CDK7: variants seen among roughly 807,000 people sequenced by gnomAD.
CDK7 encodes cyclin-dependent kinase 7.
A neutral mutation model predicts 49.1 loss-of-function variants in CDK7; 25 were observed. The ratio of observed to expected loss-of-function variants is 0.51; its 90% CI spans 0.37 to 0.71. CDK7 has a LOEUF of 0.71. Among genes scored for constraint, CDK7 ranks in the 30% least tolerant of loss-of-function variants. CDK7 has a pLI of 0.00. For synonymous variants in CDK7, 107 were observed against 140.0 expected, an observed-to-expected ratio of 0.76 and a Z score of 1.67; for missense variants, 316 against 411.7, an observed-to-expected ratio of 0.77 and a Z score of 2.01.
At chr5:69,247,640 G>A (rs1443415939) in intron 2 of CDK7, among the ~76,000 whole-genome samples, 2 of 151,390 alleles carry the variant, frequency 1.3e-5, no homozygotes, top group African/African-American at 4.9e-5. Context: ...TGGTTGTTTT[G>A]TGGTCTTTCC....
chr5:69,275,744 C>T (rs1304157252), intron 10 of CDK7, among the ~76,000 whole-genome samples: 4 of 152,102 alleles, frequency 2.6e-5, no homozygotes, highest in Non-Finnish European at 4.4e-5. Context: ...GAGGCGGAGG[C>T]GGGAGGATAG....
chr5:69,269,526 G>A (rs1401001937), intron 9 of CDK7, among the ~76,000 whole-genome samples: 2 of 151,844 alleles, frequency 1.3e-5, no homozygotes, highest in African/African-American at 4.8e-5. Context: ...CTGACCTCAG[G>A]GTAATCACTA....
intron 2 of CDK7, among the ~76,000 whole-genome samples, chr5:69,247,992 TATA>T (rs1749870590): frequency 6.6e-6 from 1 of 152,248 alleles, no homozygotes; most frequent in Non-Finnish European, 1.5e-5. Context: ...ATTACAGTGT[TATA>T]ATATTATGTG....
intron 9 of CDK7, among the ~76,000 whole-genome samples, chr5:69,271,935 T>TG (rs201547040): frequency 0.01 from 1,570 of 152,048 alleles, 15 homozygotes; most frequent in Middle Eastern, 0.061. Flanking sequence ...GTTTTTGTTT[T>TG]TTTTTTTCTT....
At chr5:69,258,800 G>T (rs1466927026) in intron 6 of CDK7, among the ~76,000 whole-genome samples, 1 of 152,180 alleles carries the variant, frequency 6.6e-6, no homozygotes, top group African/African-American at 2.4e-5. Context: ...TTTGACCCAG[G>T]CATGGTGGCT....
chr5:69,249,035 G>A (rs539508408), intron 2 of CDK7, among the ~76,000 whole-genome samples: 2 of 151,758 alleles, frequency 1.3e-5, no homozygotes, highest in African/African-American at 2.4e-5. Context: ...GAAGTTTCCC[G>A]TTATCCCTTT....
intron 5 of CDK7, among the ~76,000 whole-genome samples, chr5:69,257,606 G>A (rs537118002): frequency 2.0e-4 from 31 of 152,112 alleles, no homozygotes; most frequent in Non-Finnish European, 3.5e-4. Flanking sequence ...TGATTGACTT[G>A]TCTTGTATCC....
chr5:69,250,702 A>G (rs1221629030), intron 2 of CDK7: 1 of 456,500 alleles, frequency 2.2e-6, no homozygotes, highest in African/African-American at 2.0e-5. Context: ...CTAAGCTGCA[A>G]GACAGAATCT....
intron 2 of CDK7, among the ~76,000 whole-genome samples, chr5:69,237,761 G>C (rs1361487752): frequency 6.6e-6 from 1 of 152,124 alleles, no homozygotes; most frequent in Admixed American, 6.6e-5. Flanking sequence ...GACCAGCCTG[G>C]TCAACATGGC....
At chr5:69,260,103 C>T (rs1425317140) in intron 7 of CDK7, among the ~76,000 whole-genome samples, 167 bp downstream of exon 7, 2 of 152,196 alleles carry the variant, frequency 1.3e-5, no homozygotes, top group Non-Finnish European at 2.9e-5. Flanking sequence ...AATCCCAGCA[C>T]TTTGGGAGGC....
At chr5:69,255,666 G>A (rs750915131) in intron 5 of CDK7, 138 bp downstream of exon 5, 2 of 737,048 alleles carry the variant, frequency 2.7e-6, no homozygotes, top group Non-Finnish European at 4.9e-6. Context: ...TGTACTCTGA[G>A]GCAAAAGGAT....
At position 69,248,567 on chromosome 5, in the gene CDK7, T is replaced by A. The variant is rs147070016; in HGVS notation, c.127-3851T>A. On this transcript the variant is annotated intron_variant, in intron 2 of 11. Coordinates refer to ENST00000256443, the MANE Select transcript of CDK7 (RefSeq NM_001799.4). ...CCACGCCCAGCTAATTTTGTATTTTTAGTAGAGACGGGGTTTCTCCATGTT... is the reference window on the plus strand; with the variant it reads ...CCACGCCCAGCTAATTTTGTATTTTAAGTAGAGACGGGGTTTCTCCATGTT... Among the ~76,000 whole-genome samples the A allele has an allele frequency of 7.5e-4, 114 of 152,118 alleles. No homozygotes were observed. In the East Asian group the frequency reaches 0.021, roughly 27 times the overall value.
At position 69,262,401 on chromosome 5, in the gene CDK7, G is replaced by C. The variant is rs2150216830; in HGVS notation, c.627+97G>C. ...TTCTTGTCCTAGGCCAGGCATGGTGGCTCACGCCTGTAATCCCAGCACTTT... is the reference window on the plus strand; with the variant it reads ...TTCTTGTCCTAGGCCAGGCATGGTGCCTCACGCCTGTAATCCCAGCACTTT... On this transcript the variant is annotated intron_variant, in intron 8 of 11. Coordinates refer to ENST00000256443, the MANE Select transcript of CDK7 (RefSeq NM_001799.4). 4 of 1,508,594 alleles carry C rather than the reference G, an allele frequency of 2.7e-6. No individual in the cohort carries two copies. The South Asian group carries it at 4.6e-5, about 17-fold the overall frequency. 93.5% of individuals were successfully genotyped at this position (1,508,594 alleles called of 1,614,324 possible).
intron 6 of CDK7, among the ~76,000 whole-genome samples, chr5:69,258,618 G>A (rs141335380): frequency 6.9e-4 from 105 of 152,142 alleles, no homozygotes; most frequent in African/African-American, 2.5e-3. Context: ...TCCTGGCCTC[G>A]TGATCTGCCC....
chr5:69,275,732 G>GGGAGGC (rs1468671388), intron 10 of CDK7, among the ~76,000 whole-genome samples: 13 of 152,182 alleles, frequency 8.5e-5, no homozygotes, highest in African/African-American at 3.1e-4. Flanking sequence ...CTAGCTCTTA[G>GGGAGGC]GGAGGCGGAG....
At chr5:69,258,295 C>T in intron 6 of CDK7, 142 bp downstream of exon 6, 1 of 521,988 alleles carries the variant, frequency 1.9e-6, no homozygotes, top group Non-Finnish European at 3.3e-6. Flanking sequence ...ATATTATTCC[C>T]TTCACTTGTT....
intron 3 of CDK7, among the ~76,000 whole-genome samples, chr5:69,253,666 C>G (rs1046019099): frequency 9.9e-5 from 15 of 152,158 alleles, no homozygotes; most frequent in African/African-American, 3.6e-4. Flanking sequence ...ATTTGTAGGG[C>G]AAGAGTAGGG....
intron 10 of CDK7, 50 bp downstream of exon 10, chr5:69,273,091 C>T (rs376959122): frequency 8.3e-7 from 1 of 1,205,100 alleles, no homozygotes; most frequent in Non-Finnish European, 1.1e-6. Context: ...ATAATCTTAA[C>T]TGTAGCATTG....
intron 2 of CDK7, among the ~76,000 whole-genome samples, chr5:69,238,717 C>A (rs145445283): frequency 6.7e-6 from 1 of 149,708 alleles, no homozygotes; most frequent in Non-Finnish European, 1.5e-5. Context: ...AGTGCAGTGG[C>A]GTGATCTCGG....
Sources: gnomAD v4.1 joint callset for allele counts (sites outside exome capture counted in the v4.1 genomes callset) on GRCh38, gnomAD v4.1.1 for gene constraint, MANE v1.5 for transcripts, NCBI Gene and HGNC (gene_info 2026-07-23, HGNC 2026-07-21) for gene names.